IL21R: variants seen among roughly 807,000 people sequenced by gnomAD.
The protein encoded by IL21R is interleukin-21 receptor.
A neutral mutation model predicts 41.3 loss-of-function variants in IL21R; 14 were observed. The ratio of observed to expected loss-of-function variants is 0.34; its 90% confidence interval spans 0.22 to 0.53. The LOEUF (loss-of-function observed/expected upper bound fraction) is 0.53, where lower values mean the gene tolerates loss of function less well. IL21R is among the 20% of genes least tolerant of loss of function. IL21R has a pLI of 0.94. For synonymous variants in IL21R, 286 were observed against 287.6 expected, an observed-to-expected ratio of 0.99 and a Z score of 0.05; for missense variants, 588 against 681.6, an observed-to-expected ratio of 0.86 and a Z score of 1.53.
Position 27,448,714 on chromosome 16 carries a change from A to G in IL21R, c.1048A>G (p.Ser350Gly), listed in dbSNP as rs1555498758. The G allele has an allele frequency of 1.2e-6, 2 of 1,613,342 alleles. No homozygotes were observed. Among genetic ancestry groups the G allele is most frequent in the Non-Finnish European group, 1.7e-6 (2 of 1,180,014 alleles). The change falls in exon 9 of 9, where the codon AGC (serine) becomes GGC (glycine). Residue 350 changes from serine (S) to glycine (G), a missense_variant. Transcript: ENST00000337929. Reference protein sequence around the residue: ...LVESDGVPKPSFWPTAQNSGG... With the variant: ...LVESDGVPKPGFWPTAQNSGG... ...GGAGTCTGACGGTGTGCCCAAGCCCAGCTTCTGGCCGACAGCCCAGAACTC... is the reference window on the plus strand; with the variant it reads ...GGAGTCTGACGGTGTGCCCAAGCCCGGCTTCTGGCCGACAGCCCAGAACTC...
At chr16:27,417,527 T>C (rs2086909646) in intron 1 of IL21R, among the ~76,000 whole-genome samples, 1 of 152,204 alleles carries the variant, frequency 6.6e-6, no homozygotes, top group Admixed American at 6.5e-5. Context: ...CAGTCATACA[T>C]TGCTTAATGA....
At chr16:27,418,033 T>G (rs926770535) in intron 1 of IL21R, among the ~76,000 whole-genome samples, 1 of 136,150 alleles carries the variant, frequency 7.3e-6, no homozygotes, top group African/African-American at 2.6e-5. Context: ...TTATTTTATT[T>G]TATTTTATTT....
At chr16:27,441,971 C>A (rs2087395261) in intron 4 of IL21R, among the ~76,000 whole-genome samples, 1 of 152,152 alleles carries the variant, frequency 6.6e-6, no homozygotes, top group African/African-American at 2.4e-5. Context: ...ATGATCGCAC[C>A]ACTGCACTCC....
intron 2 of IL21R, among the ~76,000 whole-genome samples, 168 bp from the exon 3 acceptor site, chr16:27,434,179 G>GC (rs3093323): frequency 0.37 from 56,382 of 151,866 alleles, 11,081 homozygotes; most frequent in African/African-American, 0.51. Flanking sequence ...AGGTGGTGAG[G>GC]CCCCCTGGGT....
chr16:27,440,609 C>T (rs1567370254), intron 4 of IL21R, among the ~76,000 whole-genome samples: 2 of 152,110 alleles, frequency 1.3e-5, no homozygotes, highest in African/African-American at 2.4e-5. Flanking sequence ...CTACTGTGCC[C>T]CAGGCTGTGT....
chr16:27,403,120 C>G, intron 1 of IL21R: 2 of 763,920 alleles, frequency 2.6e-6, no homozygotes, highest in Non-Finnish European at 4.1e-6. Context: ...GATTTTCCCT[C>G]GGTGACTCAA....
Position 27,406,078 on chromosome 16 carries a change from C to T in IL21R, c.-17+3460C>T, listed in dbSNP as rs75548490. ...GGGCCTCCTTTCCCCATCTGCCAAG[C>T]GGGCTTGACTAGGACGAGGGCTTGC... On this transcript the variant is annotated intron_variant, in intron 1 of 8. Coordinates refer to ENST00000337929, the MANE Select transcript of IL21R (RefSeq NM_181078.3). 5.5e-3 allele frequency among the ~76,000 whole-genome samples: 837 copies of T among 152,386 alleles called. 10 individuals carry two copies. The highest frequency in any genetic ancestry group is 0.019 in the African/African-American group (792 of 41,594).
intron 8 of IL21R, 112 bp downstream of exon 8, chr16:27,446,200 G>T (rs888185321): frequency 1.9e-5 from 14 of 722,366 alleles, no homozygotes; most frequent in Admixed American, 6.1e-5. Context: ...AGAGCATCCA[G>T]GTCTCAGCCA....
intron 4 of IL21R, among the ~76,000 whole-genome samples, chr16:27,439,087 T>C (rs1435683359): frequency 2.0e-5 from 3 of 152,052 alleles, no homozygotes; most frequent in African/African-American, 7.2e-5. Context: ...GTATAAGAGG[T>C]GTCTGTGATT....
In IL21R at chr16:27,449,065, G is replaced by A. The variant is rs772654789; in HGVS notation, c.1399G>A (p.Gly467Ser). 3.1e-6 allele frequency: 5 copies of A among 1,612,894 alleles called. No individual in the cohort carries two copies. Among genetic ancestry groups the A allele is most frequent in the Non-Finnish European group, 3.4e-6 (4 of 1,179,764 alleles). The change falls in exon 9 of 9, where the codon GGC becomes AGC. Residue 467 changes from glycine to serine, a missense_variant. By Grantham distance (56) the Gly-to-Ser change is moderately conservative. Coordinates refer to ENST00000337929, the MANE Select transcript of IL21R (RefSeq NM_181078.3). ...EDWAGGLPWG[G>S]RSPGGVSESE... is the part of the protein sequence containing the mutation. ...CTGGGCTGGGGGACTGCCCTGGGGT[G>A]GCCGGTCACCTGGAGGGGTCTCAGA...
chr16:27,418,226 C>CAT (rs1567358838), intron 1 of IL21R, among the ~76,000 whole-genome samples: 2 of 151,234 alleles, frequency 1.3e-5, no homozygotes, highest in East Asian at 1.9e-4. Context: ...CCTGCCACTG[C>CAT]GCCCGGCTAA....
intron 1 of IL21R, among the ~76,000 whole-genome samples, chr16:27,403,861 A>G (rs1051815708): frequency 6.6e-6 from 1 of 152,162 alleles, no homozygotes; most frequent in Non-Finnish European, 1.5e-5. Context: ...GTAGGCACTT[A>G]AGCGTCTCCC....
intron 1 of IL21R, among the ~76,000 whole-genome samples, chr16:27,417,163 CTT>C (rs577149386): frequency 1.0e-4 from 13 of 126,572 alleles, no homozygotes; most frequent in Non-Finnish European, 1.3e-4. Flanking sequence ...TTTTTCTTTT[CTT>C]TTTTTTTTTT....
intron 5 of IL21R, chr16:27,444,183 GTCCT>G: frequency 5.9e-6 from 1 of 169,462 alleles, no homozygotes; most frequent in African/African-American, 2.4e-5. Context: ...GGTTGAGAAT[GTCCT>G]CAACTGTTGA....
intron 1 of IL21R, 23 bp from the exon 2 acceptor site, chr16:27,430,033 C>T: frequency 3.1e-6 from 5 of 1,602,646 alleles, no homozygotes; most frequent in African/African-American, 1.3e-5. Context: ...CCTGGCTCAC[C>T]CTCCACTGTA....
intron 8 of IL21R, among the ~76,000 whole-genome samples, chr16:27,447,201 GTTGA>G (rs2087496524): frequency 6.6e-6 from 1 of 152,102 alleles, no homozygotes; most frequent in Admixed American, 6.5e-5. Context: ...TTGATTTTGG[GTTGA>G]TTTTTACCAA....
At chr16:27,440,391 G>A (rs901354074) in intron 4 of IL21R, among the ~76,000 whole-genome samples, 8 of 151,176 alleles carry the variant, frequency 5.3e-5, no homozygotes, top group African/African-American at 1.2e-4. Flanking sequence ...CTCCCACTTC[G>A]GCCTCCTGAG....
At chr16:27,439,425 C>T (rs1477342404) in intron 4 of IL21R, among the ~76,000 whole-genome samples, 1 of 151,942 alleles carries the variant, frequency 6.6e-6, no homozygotes, top group Non-Finnish European at 1.5e-5. Flanking sequence ...TCTCACATCA[C>T]TCATACATGG....
At chr16:27,443,450 T>C (rs1399761811) in intron 5 of IL21R, among the ~76,000 whole-genome samples, 1 of 152,050 alleles carries the variant, frequency 6.6e-6, no homozygotes, top group Non-Finnish European at 1.5e-5. Flanking sequence ...CCCAATTGCT[T>C]AGAATGGCCA....
Sources: gnomAD v4.1 joint callset for allele counts (sites outside exome capture counted in the v4.1 genomes callset) on GRCh38, gnomAD v4.1.1 for gene constraint, MANE v1.5 for transcripts, NCBI Gene and HGNC (gene_info 2026-07-23, HGNC 2026-07-21) for gene names.